TPRG1: variants seen among roughly 807,000 people sequenced by gnomAD.
TPRG1 encodes the protein tumor protein p63 regulated 1, also known as tumor protein p63-regulated gene 1 protein.
TPRG1 carries 29 observed loss-of-function variants against 29.3 expected under a neutral mutation model. The ratio of observed to expected loss-of-function variants is 0.99; its 90% CI spans 0.74 to 1.35. The LOEUF (loss-of-function observed/expected upper bound fraction) is 1.35, where lower values mean the gene tolerates loss of function less well. Ranked by LOEUF, TPRG1 falls within the 40% of genes most tolerant of loss-of-function variation. The probability of loss-of-function intolerance (pLI) is 0.00; values close to 1 mark genes in which losing one functional copy is unlikely to be tolerated. For synonymous variants in TPRG1, 130 were observed against 116.8 expected (o/e 1.11, Z -0.73); for missense variants, 327 against 335.0 (o/e 0.98, Z 0.19).
intron 3 of TPRG1, among the ~76,000 whole-genome samples, chr3:189,218,486 G>A (rs1364894456): frequency 1.3e-5 from 2 of 152,166 alleles, no homozygotes; most frequent in Non-Finnish European, 2.9e-5. Context: ...ATTCCATGGA[G>A]ATGGGACACT....
At chr3:189,089,131 T>C (rs1486923645) in intron 4 of TPRG1, among the ~76,000 whole-genome samples, 4 of 152,176 alleles carry the variant, frequency 2.6e-5, no homozygotes, top group African/African-American at 9.7e-5. Context: ...TAACAGTCTA[T>C]AGTTTGATAT....
upstream of TPRG1, among the ~76,000 whole-genome samples, chr3:189,096,520 C>T (rs1245528506): frequency 6.6e-6 from 1 of 152,172 alleles, no homozygotes; most frequent in Non-Finnish European, 1.5e-5. Flanking sequence ...TCTTTTCTTC[C>T]TTCTGACCTG....
At chr3:189,285,475 G>A (rs986515850) in intron 4 of TPRG1, among the ~76,000 whole-genome samples, 1 of 152,136 alleles carries the variant, frequency 6.6e-6, no homozygotes, top group Non-Finnish European at 1.5e-5. Flanking sequence ...AGTGTTCAGT[G>A]CTCCAAGTAA....
chr3:189,188,769 A>G (rs986661353), intron 1 of TPRG1, among the ~76,000 whole-genome samples: 6 of 152,182 alleles, frequency 3.9e-5, no homozygotes, highest in African/African-American at 1.4e-4. Flanking sequence ...AGCCTTGCCC[A>G]AGAGACACTG....
intron 3 of TPRG1, among the ~76,000 whole-genome samples, chr3:189,137,641 C>G (rs1578488163): frequency 6.6e-6 from 1 of 151,866 alleles, no homozygotes; most frequent in African/African-American, 2.4e-5. Context: ...TCTTGGGGGT[C>G]CCAGTAGGGT....
At chr3:189,099,343 G>A (rs907043132), upstream of TPRG1, among the ~76,000 whole-genome samples, 11 of 152,208 alleles carry the variant, frequency 7.2e-5, no homozygotes, top group South Asian at 4.2e-4. Flanking sequence ...TTGCTCTTGC[G>A]CTGACGAAGT....
At chr3:189,217,634 T>A (rs1232406132) in intron 3 of TPRG1, among the ~76,000 whole-genome samples, 2 of 152,182 alleles carry the variant, frequency 1.3e-5, no homozygotes, top group African/African-American at 4.8e-5. Context: ...ACAGTTTATT[T>A]TCTTTGCTTG....
chr3:189,176,364 T>G (rs1183353527), intron 1 of TPRG1, among the ~76,000 whole-genome samples: 1 of 152,194 alleles, frequency 6.6e-6, no homozygotes, highest in Non-Finnish European at 1.5e-5. Flanking sequence ...TGTCATTCAT[T>G]GAAAGCTATT....
intron 1 of TPRG1, among the ~76,000 whole-genome samples, chr3:188,998,514 G>C (rs921716727): frequency 2.0e-5 from 3 of 152,232 alleles, no homozygotes; most frequent in African/African-American, 7.2e-5. Context: ...TCTGTGTAAA[G>C]ACACTAGATG....
intron 4 of TPRG1, among the ~76,000 whole-genome samples, chr3:189,089,192 C>T (rs1436614621): frequency 1.3e-5 from 2 of 152,012 alleles, no homozygotes; most frequent in Non-Finnish European, 2.9e-5. Context: ...CATCAAAAAA[C>T]ACTGTGGAAT....
At chr3:189,166,902 A>C (rs150079617) in intron 5 of TPRG1, among the ~76,000 whole-genome samples, 1,590 of 152,232 alleles carry the variant, frequency 0.01, 26 homozygotes, top group African/African-American at 0.036. Context: ...CCGGTGACTG[A>C]ACTGGGGGTG....
chr3:189,266,842 A>G (rs1714179072), intron 4 of TPRG1, among the ~76,000 whole-genome samples: 1 of 152,032 alleles, frequency 6.6e-6, no homozygotes, highest in Non-Finnish European at 1.5e-5. Context: ...AAGTTGTTTC[A>G]GCTATTTCAT....
chr3:189,076,160 G>A (rs979009643), intron 4 of TPRG1, among the ~76,000 whole-genome samples: 4 of 152,072 alleles, frequency 2.6e-5, no homozygotes, highest in Admixed American at 2.0e-4. Context: ...AGCTCCAAGC[G>A]GCCTTCTGGT....
intron 4 of TPRG1, among the ~76,000 whole-genome samples, chr3:189,274,575 A>G (rs968117217): frequency 2.0e-5 from 3 of 152,130 alleles, no homozygotes; most frequent in Admixed American, 2.0e-4. Context: ...TAGGGCCCAG[A>G]TAGTAGCACT....
intron 4 of TPRG1, among the ~76,000 whole-genome samples, chr3:189,265,548 T>C (rs764207573): frequency 2.0e-5 from 3 of 152,152 alleles, no homozygotes; most frequent in Non-Finnish European, 2.9e-5. Context: ...CCCTTAGTTA[T>C]TGGGGGAAGC....
chr3:189,043,858 T>C (rs554486841), intron 4 of TPRG1, among the ~76,000 whole-genome samples: 27 of 152,312 alleles, frequency 1.8e-4, no homozygotes, highest in African/African-American at 6.3e-4. Context: ...GTGACTTTTA[T>C]TCCCAGAGAA....
chr3:189,117,350 C>G (rs139098968), intron 1 of TPRG1, among the ~76,000 whole-genome samples: 98 of 152,300 alleles, frequency 6.4e-4, no homozygotes, highest in African/African-American at 2.3e-3. Context: ...CTTTCCACCA[C>G]CTGTTACTCA....
chr3:189,074,113 G>A (rs1413005592), intron 4 of TPRG1, among the ~76,000 whole-genome samples: 1 of 151,684 alleles, frequency 6.6e-6, no homozygotes, highest in Non-Finnish European at 1.5e-5. Context: ...CATCAAGATG[G>A]GCTGCTGTAT....
At chr3:189,205,073 A>C (rs1003577026) in intron 1 of TPRG1, among the ~76,000 whole-genome samples, 4 of 152,120 alleles carry the variant, frequency 2.6e-5, no homozygotes, top group Non-Finnish European at 5.9e-5. Flanking sequence ...AAAAGCTCAG[A>C]GACATCTTTT....
Sources: allele counts gnomAD v4.1 joint callset (sites outside exome capture counted in the v4.1 genomes callset), GRCh38; gene constraint gnomAD v4.1.1; transcripts MANE v1.5; gene names NCBI Gene and HGNC (gene_info 2026-07-23, HGNC 2026-07-21).